The following PAX8 variants were observed in gnomAD, a reference collection of about 807,000 sequenced individuals.
The protein encoded by PAX8 is paired box protein Pax-8.
A neutral mutation model predicts 52.4 loss-of-function variants in PAX8; 15 were observed. The ratio of observed to expected loss-of-function variants is 0.29; its 90% confidence interval spans 0.19 to 0.44. PAX8 has a LOEUF of 0.44. Among genes scored for constraint, PAX8 ranks in the 20% least tolerant of loss-of-function variants. The probability of loss-of-function intolerance (pLI) is 1.00; values close to 1 mark genes in which losing one functional copy is unlikely to be tolerated. For synonymous variants in PAX8, 284 were observed against 249.7 expected (o/e 1.14, Z -1.29); for missense variants, 554 against 602.5 (o/e 0.92, Z 0.84).
intron 2 of PAX8, among the ~76,000 whole-genome samples, chr2:113,252,068 T>C (rs576246478): frequency 1.9e-4 from 29 of 152,344 alleles, no homozygotes; most frequent in Admixed American, 5.9e-4. Context: ...CTTTATCCTT[T>C]TGCTTTATCT....
rs373906952 is a variant in PAX8 at position 113,225,892 on chromosome 2, C to T, written c.1189+1263G>A. 1.8e-4 allele frequency: 175 copies of T among 984,488 alleles called. No homozygotes were observed. The African/African-American group carries it at 2.4e-3, about 14-fold the overall frequency. The allele number at this position is 984,488 out of a possible 1,614,324, so 61.0% of individuals were successfully genotyped here. ...TTATCCACACTCTTAAAAAAATAAC[C>T]GAATCTTTTCCTTTTTTATCTTGAC... On this transcript the variant is annotated intron_variant, in intron 10 of 11. Coordinates refer to ENST00000429538, the MANE Select transcript of PAX8 (RefSeq NM_003466.4).
At chr2:113,244,169 T>C (rs1467963432) in intron 4 of PAX8, among the ~76,000 whole-genome samples, 1 of 152,164 alleles carries the variant, frequency 6.6e-6, no homozygotes, top group Non-Finnish European at 1.5e-5. Flanking sequence ...AAAGCAGATG[T>C]GGTGTTTGAG....
rs200158983 is a variant in PAX8 at position 113,244,558 on chromosome 2, G to C, written c.258C>G (p.Pro86=). 158 of 1,613,902 alleles carry C rather than the reference G, an allele frequency of 9.8e-5. No individual in the cohort carries two copies. Among genetic ancestry groups the C allele is most frequent in the Non-Finnish European group, 1.3e-4 (157 of 1,179,906 alleles). ...AGTCCCCAATCTTCTCCACCACCTT[G>C]GGGGTGGCCACCTTGGGCTTGGAGC... The part of the protein sequence containing the change: ...IGGSKPKVAT[P]KVVEKIGDYK... The change falls in exon 4 of 12, where the codon CCC becomes CCG. Residue 86 remains proline, a synonymous_variant. Transcript: ENST00000429538.
At chr2:113,236,950 G>A (rs556845612) in intron 7 of PAX8, 77 of 576,292 alleles carry the variant, frequency 1.3e-4, no homozygotes, top group Non-Finnish European at 2.3e-4. Context: ...GTGCCCAGAC[G>A]TGGGATAGAG....
At chr2:113,258,423 C>T (rs189050718) in intron 2 of PAX8, among the ~76,000 whole-genome samples, 1 of 152,272 alleles carries the variant, frequency 6.6e-6, no homozygotes, top group Admixed American at 6.5e-5. Flanking sequence ...CTTACCAGCT[C>T]TCTGTCCCAG....
At chr2:113,264,049 C>G (rs1463698370) in intron 2 of PAX8, among the ~76,000 whole-genome samples, 2 of 152,234 alleles carry the variant, frequency 1.3e-5, no homozygotes, top group Admixed American at 1.3e-4. Context: ...TTGTTTGGAG[C>G]TGTATTCCCA....
rs1689204507 is a variant in PAX8 at position 113,220,354 on chromosome 2, C to A, written c.1190-176G>T. The A allele has an allele frequency of 8.2e-6, 5 of 610,474 alleles. No individual in the cohort carries two copies. The East Asian group carries it at 1.4e-4, about 17-fold the overall frequency. 37.8% of individuals were successfully genotyped at this position (610,474 alleles called of 1,614,324 possible). Reference sequence around the variant, plus strand: ...GGTCCCTCTGTCATCCCTTTTGGAACCCATCGATCTGGAAAATTTGGGGCA... The same window carrying A: ...GGTCCCTCTGTCATCCCTTTTGGAAACCATCGATCTGGAAAATTTGGGGCA... On this transcript the variant is annotated intron_variant, in intron 10 of 11. Transcript: ENST00000429538.
intron 10 of PAX8, chr2:113,225,877 T>C: frequency 2.0e-6 from 2 of 981,650 alleles, no homozygotes; most frequent in Non-Finnish European, 2.4e-6. Flanking sequence ...TTATCCACAC[T>C]CTTAAAAAAA....
rs768604067 is a variant in PAX8 at position 113,216,801 on chromosome 2, C to T, written c.*1732G>A. The T allele has an allele frequency of 4.4e-5, 10 of 228,008 alleles. No homozygotes were observed. The highest frequency in any genetic ancestry group is 6.3e-5 in the East Asian group (1 of 15,968). The allele number at this position is 228,008 out of a possible 1,614,324, so 14.1% of individuals were successfully genotyped here. A position where few individuals can be genotyped will look rare whatever the true frequency, so the allele number is the denominator to read the frequency against. On this transcript the variant is annotated 3_prime_UTR_variant, in exon 12 of 12. Transcript: ENST00000429538. ...AGGACTCTGGGGTTTTGGGTAAAAG[C>T]GTTGGGCTTAGAGTAAGAGGACTTG...
intron 7 of PAX8, chr2:113,239,082 T>G (rs1362850371): frequency 6.6e-6 from 1 of 151,778 alleles, no homozygotes; most frequent in Admixed American, 6.6e-5. Flanking sequence ...TTTTTTTTTT[T>G]TTTCAGATGG....
intron 2 of PAX8, among the ~76,000 whole-genome samples, chr2:113,260,004 C>A (rs1362597622): frequency 1.3e-5 from 2 of 152,224 alleles, no homozygotes; most frequent in Admixed American, 6.5e-5. Flanking sequence ...CTCAACTCCC[C>A]CTGAGGTCAG....
chr2:113,270,910 C>G (rs970260974), intron 2 of PAX8: 3 of 152,196 alleles, frequency 2.0e-5, no homozygotes, highest in African/African-American at 7.2e-5. Flanking sequence ...CAATCTCTCC[C>G]TCTGCTTAAA....
At chr2:113,249,486 AAGGTTTCTTAG>A (rs1278427617) in intron 2 of PAX8, among the ~76,000 whole-genome samples, 1 of 152,120 alleles carries the variant, frequency 6.6e-6, no homozygotes, top group African/African-American at 2.4e-5. Context: ...ATCTGAAAGC[AAGGTTTCTTAG>A]AGGTGGAGGT....
In PAX8 at chr2:113,255,277, G is replaced by GGGAGGAGGGA. The variant is rs1692160851; in HGVS notation, c.26-8359_26-8358insTCCCTCCTCC. ...GAGGGAGGAGGGAGGGGAGGAGGGA[G>GGGAGGAGGGA]GGGAGGAGGGAGGGAGGAGGGAGGG... On this transcript the variant is annotated intron_variant, in intron 2 of 11. Coordinates refer to ENST00000429538, the MANE Select transcript of PAX8 (RefSeq NM_003466.4). The GGGAGGAGGGA allele has an allele frequency of 2.5e-4, 5 of 19,624 alleles. 1 individual carries two copies. Among genetic ancestry groups the GGGAGGAGGGA allele is most frequent in the African/African-American group, 1.6e-3 (5 of 3,166 alleles). The allele number at this position is 19,624 out of a possible 1,614,324, so 1.2% of individuals were successfully genotyped here.
In PAX8 at chr2:113,242,881, C is replaced by A. The variant is rs902691; in HGVS notation, c.390-103G>T. ...TTTTGACACCCCTTTTGGGTATCTC[C>A]AAGGCACTTGAAACTCAACTGTCCA... On this transcript the variant is annotated intron_variant, in intron 4 of 11. Transcript: ENST00000429538. 1 allele frequency: 826,853 copies of A among 827,182 alleles called. 413,262 individuals are homozygous for A. The highest frequency in any genetic ancestry group is 1 in the South Asian group (74,143 of 74,146). The allele number at this position is 827,182 out of a possible 1,614,324, so 51.2% of individuals were successfully genotyped here.
chr2:113,246,616 G>A, intron 3 of PAX8, 138 bp downstream of exon 3: 1 of 893,658 alleles, frequency 1.1e-6, no homozygotes, highest in Middle Eastern at 3.5e-4. Flanking sequence ...CACCATAACT[G>A]TTCAGGTCTC....
chr2:113,241,608 A>C lies in PAX8; in HGVS notation c.720T>G (p.Phe240Leu), dbSNP rs753713723. The change falls in exon 7 of 12, where the codon TTT (phenylalanine) becomes TTG (leucine). Residue 240 changes from phenylalanine to leucine, a missense_variant. Transcript: ENST00000429538. ...AGGCCTCTGGGTAGTGCTGCCGCTCAAATGGGCACTCGAGCGGCTCGAGGT... is the reference window on the plus strand; with the variant it reads ...AGGCCTCTGGGTAGTGCTGCCGCTCCAATGGGCACTCGAGCGGCTCGAGGT... The part of the protein sequence containing the change: ...QHHLEPLECP[F>L]ERQHYPEAYA... 1 of 1,613,718 alleles carries C rather than the reference A, an allele frequency of 6.2e-7. No individual in the cohort carries two copies. The highest frequency in any genetic ancestry group is 1.1e-5 in the South Asian group (1 of 91,070).
rs564481577 is a variant in PAX8 at position 113,244,585 on chromosome 2, C to T, written c.231G>A (p.Gly77=). Residue 77 remains glycine (G), a synonymous_variant, in exon 4 of 12, where the codon GGG becomes GGA. Transcript: ENST00000429538. ...ETGSIRPGVI[G]GSKPKVATPK... ...GGGTGGCCACCTTGGGCTTGGAGCC[C>T]CCTATCACTCCAGGCCGGATGCTGC... 5.1e-5 allele frequency: 83 copies of T among 1,614,158 alleles called. No homozygotes were observed. Among genetic ancestry groups the T allele is most frequent in the Non-Finnish European group, 6.3e-5 (74 of 1,180,010 alleles).
intron 2 of PAX8, among the ~76,000 whole-genome samples, chr2:113,261,909 C>G (rs1692710870): frequency 6.6e-6 from 1 of 151,780 alleles, no homozygotes; most frequent in African/African-American, 2.4e-5. Flanking sequence ...ACCCTGCAAC[C>G]TCCGCCCCAC....
Sources: allele counts gnomAD v4.1 joint callset (sites outside exome capture counted in the v4.1 genomes callset), GRCh38; gene constraint gnomAD v4.1.1; transcripts MANE v1.5; gene names NCBI Gene and HGNC (gene_info 2026-07-23, HGNC 2026-07-21).